GULP1: variants seen among roughly 807,000 people sequenced by gnomAD.
GULP1 encodes the protein GULP PTB domain containing engulfment adaptor 1.
A neutral mutation model predicts 40.9 loss-of-function variants in GULP1; 19 were observed. That is an observed-to-expected ratio of 0.46 (90% CI 0.32 to 0.68). The LOEUF (loss-of-function observed/expected upper bound fraction) is 0.68. Ranked by LOEUF, GULP1 falls within the 30% of genes least tolerant of loss-of-function variation. The pLI is 0.03. For synonymous variants in GULP1, 119 were observed against 117.6 expected (o/e 1.01, Z -0.08); for missense variants, 312 against 362.2 (o/e 0.86, Z 1.12).
intron 7 of GULP1, among the ~76,000 whole-genome samples, chr2:188,557,951 G>C (rs1695224253): frequency 6.6e-6 from 1 of 152,150 alleles, no homozygotes; most frequent in Admixed American, 6.5e-5. Flanking sequence ...CAGGGCAGTG[G>C]GGCCATGGGC....
At chr2:188,429,948 A>G (rs1293873186) in intron 2 of GULP1, among the ~76,000 whole-genome samples, 1 of 152,042 alleles carries the variant, frequency 6.6e-6, no homozygotes, top group East Asian at 1.9e-4. Flanking sequence ...TGACCTCATG[A>G]TCCACCTGCC....
chr2:188,530,206 G>A (rs571114478), intron 6 of GULP1, among the ~76,000 whole-genome samples: 1 of 152,236 alleles, frequency 6.6e-6, no homozygotes, highest in African/African-American at 2.4e-5. Flanking sequence ...GACAACCCTA[G>A]GTGAATGGCC....
At chr2:188,378,391 A>G (rs2048575792) in intron 1 of GULP1, among the ~76,000 whole-genome samples, 1 of 152,214 alleles carries the variant, frequency 6.6e-6, no homozygotes, top group African/African-American at 2.4e-5. Context: ...ATTTAATGAT[A>G]TAAGAATATG....
At chr2:188,339,100 A>G (rs1488886191) in intron 1 of GULP1, among the ~76,000 whole-genome samples, 1 of 152,148 alleles carries the variant, frequency 6.6e-6, no homozygotes, top group African/African-American at 2.4e-5. Context: ...CTTGATGAAA[A>G]TTGCTTAATT....
At chr2:188,390,331 T>C (rs2050347117) in intron 2 of GULP1, among the ~76,000 whole-genome samples, 1 of 152,166 alleles carries the variant, frequency 6.6e-6, no homozygotes, top group Admixed American at 6.5e-5. Flanking sequence ...GGGCATCTCA[T>C]TGTGGTTTTA....
chr2:188,589,456 A>G, intron 11 of GULP1: 1 of 240,544 alleles, frequency 4.2e-6, no homozygotes, highest in Admixed American at 5.5e-5. Context: ...TGTAGTAACA[A>G]AGAAATATTT....
At chr2:188,495,666 A>C (rs1033957230) in intron 4 of GULP1, among the ~76,000 whole-genome samples, 11 of 152,144 alleles carry the variant, frequency 7.2e-5, no homozygotes, top group Non-Finnish European at 2.9e-5. Context: ...TATTTAACTC[A>C]GTTTTCACAC....
At chr2:188,558,666 G>A (rs1158490418) in intron 7 of GULP1, among the ~76,000 whole-genome samples, 1 of 152,186 alleles carries the variant, frequency 6.6e-6, no homozygotes, top group African/African-American at 2.4e-5. Flanking sequence ...ACTTCCTGGA[G>A]ACTTGTTGAA....
chr2:188,545,822 C>T (rs1054976410), intron 7 of GULP1, among the ~76,000 whole-genome samples: 1 of 151,830 alleles, frequency 6.6e-6, no homozygotes, highest in Non-Finnish European at 1.5e-5. Context: ...TACATATCAT[C>T]TACAAGATGT....
chr2:188,342,295 T>G (rs990095594), intron 1 of GULP1, among the ~76,000 whole-genome samples: 1 of 152,132 alleles, frequency 6.6e-6, no homozygotes, highest in African/African-American at 2.4e-5. Flanking sequence ...CTCCTAGCCC[T>G]TGGTGGTGGC....
At chr2:188,381,858 A>G (rs570508416) in intron 1 of GULP1, among the ~76,000 whole-genome samples, 3 of 152,178 alleles carry the variant, frequency 2.0e-5, no homozygotes, top group African/African-American at 7.2e-5. Flanking sequence ...GTATGTGATG[A>G]TACAACCCTT....
chr2:188,447,877 A>G (rs2058525827), intron 2 of GULP1, among the ~76,000 whole-genome samples: 5 of 152,126 alleles, frequency 3.3e-5, no homozygotes, highest in Admixed American at 2.0e-4. Flanking sequence ...TTGTTTTCTT[A>G]TTGATCACTG....
At chr2:188,523,856 G>C (rs1685452181) in intron 5 of GULP1, among the ~76,000 whole-genome samples, 1 of 152,092 alleles carries the variant, frequency 6.6e-6, no homozygotes, top group Non-Finnish European at 1.5e-5. Context: ...TTTTATATGA[G>C]AATATTTTAC....
At chr2:188,521,069 C>CTG in intron 4 of GULP1, among the ~76,000 whole-genome samples, 1 of 151,730 alleles carries the variant, frequency 6.6e-6, no homozygotes, top group Non-Finnish European at 1.5e-5. Context: ...TCTCCTATGT[C>CTG]TATACATAGG....
At chr2:188,534,112 C>T (rs1688286946) in intron 6 of GULP1, among the ~76,000 whole-genome samples, 2 of 152,228 alleles carry the variant, frequency 1.3e-5, no homozygotes, top group South Asian at 4.1e-4. Flanking sequence ...TTTCCAGCAA[C>T]CCTAATGCTG....
At chr2:188,336,487 C>A (rs116105036) in intron 1 of GULP1, among the ~76,000 whole-genome samples, 1 of 152,154 alleles carries the variant, frequency 6.6e-6, no homozygotes, top group South Asian at 2.1e-4. Flanking sequence ...CCTAATCTCA[C>A]AGAGCTTTCA....
chr2:188,512,377 C>T (rs932873900), intron 4 of GULP1, among the ~76,000 whole-genome samples: 2 of 151,994 alleles, frequency 1.3e-5, no homozygotes, highest in Non-Finnish European at 1.5e-5. Flanking sequence ...TAATATTTTA[C>T]AGTAATTCTG....
At chr2:188,456,089 A>G (rs181623083) in intron 2 of GULP1, among the ~76,000 whole-genome samples, 2 of 152,344 alleles carry the variant, frequency 1.3e-5, no homozygotes, top group South Asian at 2.1e-4. Context: ...GGGTGCTGTT[A>G]AAGGCATTCA....
intron 1 of GULP1, among the ~76,000 whole-genome samples, chr2:188,309,380 T>C (rs1210089863): frequency 6.6e-6 from 1 of 152,016 alleles, no homozygotes; most frequent in Non-Finnish European, 1.5e-5. Flanking sequence ...GTGGGAGGAC[T>C]GCTTGAGCCT....
Sources: gnomAD v4.1 joint callset for allele counts (sites outside exome capture counted in the v4.1 genomes callset) on GRCh38, gnomAD v4.1.1 for gene constraint, MANE v1.5 for transcripts, NCBI Gene and HGNC (gene_info 2026-07-23, HGNC 2026-07-21) for gene names.